Variants in RRP12 observed in about 807,000 individuals in gnomAD.
The protein encoded by RRP12 is RRP12-like protein.
RRP12 carries 78 observed loss-of-function variants against 157.3 expected under a neutral mutation model. The ratio of observed to expected loss-of-function variants is 0.50; its 90% CI spans 0.41 to 0.60. RRP12 has a LOEUF of 0.60. Among genes scored for constraint, RRP12 ranks in the 20% least tolerant of loss-of-function variants. The pLI is 0.00. For missense variants in RRP12, 1,521 were observed against 1,679.9 expected (o/e 0.91, Z 1.65); for synonymous variants, 726 against 670.9 (o/e 1.08, Z -1.27).
At chr10:97,359,512 G>T (rs1367916120) in intron 31 of RRP12, among the ~76,000 whole-genome samples, 1 of 152,194 alleles carries the variant, frequency 6.6e-6, no homozygotes, top group Non-Finnish European at 1.5e-5. Context: ...TGAACACTGT[G>T]GCTTAGAGAG....
chr10:97,392,161 A>G (rs900261063), intron 4 of RRP12, among the ~76,000 whole-genome samples: 6 of 151,914 alleles, frequency 3.9e-5, no homozygotes, highest in African/African-American at 1.2e-4. Flanking sequence ...TTGTAGAGAC[A>G]AGGTTTTGCC....
rs1844447568 is a variant in RRP12 at position 97,380,883 on chromosome 10, G to A, written c.1449C>T (p.Phe483=). The A allele has an allele frequency of 2.5e-6, 4 of 1,614,172 alleles. No homozygotes were observed. Among genetic ancestry groups the A allele is most frequent in the East Asian group, 4.5e-5 (2 of 44,880 alleles). ...RAVEEGLTYK[F]HAAWSSVLQL... ...GCAACACGGAGCTCCAGGCCGCATG[G>A]AATTTGTACGTCAGGCCCTCCTCCA... The change falls in exon 13 of 34, where the codon TTC becomes TTT. Residue 483 remains phenylalanine (F), a synonymous_variant. Transcript: ENST00000370992.
At chr10:97,371,392 G>T in intron 20 of RRP12, 1 of 381,784 alleles carries the variant, frequency 2.6e-6, no homozygotes, top group South Asian at 4.1e-5. Context: ...CTTTCTAGCC[G>T]GAGCACTCTT....
intron 24 of RRP12, 52 bp from the exon 25 acceptor site, chr10:97,369,634 C>T: frequency 6.6e-7 from 1 of 1,517,684 alleles, no homozygotes; most frequent in Non-Finnish European, 8.9e-7. Context: ...CCACTCAGAC[C>T]CAAACCTTCC....
chr10:97,357,980 A>G (rs1439385742), intron 33 of RRP12, among the ~76,000 whole-genome samples: 1 of 150,350 alleles, frequency 6.7e-6, no homozygotes, highest in Non-Finnish European at 1.5e-5. Context: ...AAAAAAAAAG[A>G]TGACTATGTA....
chr10:97,374,735 G>C (rs999355094), intron 15 of RRP12, among the ~76,000 whole-genome samples: 5 of 137,392 alleles, frequency 3.6e-5, no homozygotes, highest in Non-Finnish European at 6.0e-5. Context: ...TCGTGCTATT[G>C]CACAACAGCC....
intron 10 of RRP12, among the ~76,000 whole-genome samples, chr10:97,384,738 A>ACC: frequency 7.3e-6 from 1 of 136,090 alleles, no homozygotes; most frequent in Middle Eastern, 5.0e-3. Flanking sequence ...GACCCTGAGG[A>ACC]CCCCCAACCT....
intron 2 of RRP12, among the ~76,000 whole-genome samples, chr10:97,397,391 A>T (rs903728169): frequency 6.8e-6 from 1 of 147,068 alleles, no homozygotes; most frequent in African/African-American, 2.5e-5. Flanking sequence ...TGAACTTCTG[A>T]CCTCAAGTGA....
intron 15 of RRP12, among the ~76,000 whole-genome samples, chr10:97,374,113 T>G (rs756752845): frequency 6.6e-6 from 1 of 152,244 alleles, no homozygotes; most frequent in Non-Finnish European, 1.5e-5. Context: ...CCCCCAGAGA[T>G]AGCCTCTGTT....
At chr10:97,369,251 C>T (rs1844071414) in intron 25 of RRP12, among the ~76,000 whole-genome samples, 174 bp downstream of exon 25, 1 of 152,206 alleles carries the variant, frequency 6.6e-6, no homozygotes, top group African/African-American at 2.4e-5. Context: ...GGCAGTGTGC[C>T]CCCTCCTCGC....
intron 10 of RRP12, among the ~76,000 whole-genome samples, chr10:97,383,035 T>C (rs1844514179): frequency 6.6e-6 from 1 of 152,210 alleles, no homozygotes; most frequent in Non-Finnish European, 1.5e-5. Flanking sequence ...GTGCTGGGAT[T>C]ATAAGCGTGA....
In RRP12 at chr10:97,360,585, C is replaced by A. The variant is rs1564747047; in HGVS notation, c.3601G>T (p.Ala1201Ser). 1 of 1,614,036 alleles carries A rather than the reference C, an allele frequency of 6.2e-7. No individual in the cohort carries two copies. The highest frequency in any genetic ancestry group is 8.5e-7 in the Non-Finnish European group (1 of 1,179,928). Residue 1201 changes from alanine to serine, a missense_variant, in exon 31 of 34, where the codon GCT (alanine) becomes TCT (serine). Transcript: ENST00000370992. Reference sequence around the variant, plus strand: ...GGTATCTCCAGCTCCTCCTCCTCAGCCTCTTTCTGGTGCTTGAGCTTCTGG... The same window carrying A: ...GGTATCTCCAGCTCCTCCTCCTCAGACTCTTTCTGGTGCTTGAGCTTCTGG... ...KHQKLKHQKE[A>S]EEEELEIPPQ...
At chr10:97,384,546 T>C (rs1338316949) in intron 10 of RRP12, among the ~76,000 whole-genome samples, 12 of 124,324 alleles carry the variant, frequency 9.7e-5, no homozygotes, top group South Asian at 5.5e-4. Context: ...GATGAAGGCC[T>C]TAAGTACCCC....
rs1843727497 is a variant in RRP12, at chr10:97,357,053, G to A, written c.*41C>T. On this transcript the variant is annotated 3_prime_UTR_variant, in exon 34 of 34. Coordinates refer to ENST00000370992, the MANE Select transcript of RRP12 (RefSeq NM_015179.4). ...GCAAGGCAGCCTGGGGGCTGAAAGGGCCTCAGACTGGACCACAGGGCAGCC... is the reference window on the plus strand; with the variant it reads ...GCAAGGCAGCCTGGGGGCTGAAAGGACCTCAGACTGGACCACAGGGCAGCC... The A allele has an allele frequency of 1.7e-6, 2 of 1,205,732 alleles. No individual in the cohort carries two copies. The highest frequency in any genetic ancestry group is 2.4e-6 in the Non-Finnish European group (2 of 820,740). 74.7% of individuals were successfully genotyped at this position (1,205,732 alleles called of 1,614,324 possible).
In RRP12 at chr10:97,385,212, G is replaced by C. The variant is rs761615923; in HGVS notation, c.1162C>G (p.Leu388Val). The part of the protein sequence containing the change: ...VPSENDLQPL[L>V]AWLKVMEKAH... ...TTCTCCATGACCTTAAGCCAGGCTA[G>C]CAGGGGTTGTAAATCATTCTCACTG... The change falls in exon 10 of 34, where the codon CTA (leucine) becomes GTA (valine). Residue 388 changes from leucine to valine, a missense_variant. Leu to Val is a conservative substitution (Grantham distance 32). Transcript: ENST00000370992. The C allele has an allele frequency of 1.7e-5, 28 of 1,613,996 alleles. 1 individual carries two copies. The South Asian group carries it at 3.1e-4, about 18-fold the overall frequency.
At chr10:97,396,591 G>A (rs554604224) in intron 2 of RRP12, among the ~76,000 whole-genome samples, 1 of 152,274 alleles carries the variant, frequency 6.6e-6, no homozygotes, top group East Asian at 1.9e-4. Context: ...AATTGGAATG[G>A]TCAAGAAGCC....
chr10:97,401,086 C>A lies in RRP12; in HGVS notation c.139+7G>T. 1 of 1,612,766 alleles carries A rather than the reference C, an allele frequency of 6.2e-7. No individual in the cohort carries two copies. Among genetic ancestry groups the A allele is most frequent in the East Asian group, 2.2e-5 (1 of 44,840 alleles). On this transcript the variant is annotated splice_region_variant and intron_variant, in intron 1 of 33. Transcript: ENST00000370992. ...CCCCGGCTGCGCTCGGGTCTCAACC[C>A]AGCTACCTGACGGCCGGCTGAAGAA... is the stretch of plus-strand genomic sequence containing the variant.
At chr10:97,370,065 T>C in intron 24 of RRP12, 102 bp downstream of exon 24, 1 of 804,580 alleles carries the variant, frequency 1.2e-6, no homozygotes, top group Non-Finnish European at 2.0e-6. Flanking sequence ...TCTTACTTCC[T>C]CCAGGCACCT....
chr10:97,363,929 G>A (rs572022897), intron 29 of RRP12, 26 bp from the exon 30 acceptor site: 1 of 1,610,668 alleles, frequency 6.2e-7, no homozygotes, highest in African/African-American at 1.3e-5. Flanking sequence ...AGAGGCCCAT[G>A]AGCGCTGTGG....
Sources: gnomAD v4.1 joint callset for allele counts (sites outside exome capture counted in the v4.1 genomes callset) on GRCh38, gnomAD v4.1.1 for gene constraint, MANE v1.5 for transcripts, NCBI Gene and HGNC (gene_info 2026-07-23, HGNC 2026-07-21) for gene names.